PCDHGB3: variants seen among roughly 807,000 people sequenced by gnomAD.
PCDHGB3 encodes the protein protocadherin gamma subfamily B, 3, also known as protocadherin gamma-B3.
A neutral mutation model predicts 59.2 loss-of-function variants in PCDHGB3; 40 were observed. That is an observed-to-expected ratio of 0.68 (90% CI 0.52 to 0.88). The LOEUF is 0.88. Ranked by LOEUF, PCDHGB3 falls within the 40% of genes least tolerant of loss-of-function variation. The pLI is 0.00. For synonymous variants in PCDHGB3, 581 were observed against 503.6 expected, an observed-to-expected ratio of 1.15 and a Z score of -2.06; for missense variants, 1,309 against 1,187.9, an observed-to-expected ratio of 1.10 and a Z score of -1.50.
At chr5:141,419,665 C>T in intron 1 of PCDHGB3, 1 of 1,612,860 alleles carries the variant, frequency 6.2e-7, no homozygotes, top group East Asian at 2.2e-5. Flanking sequence ...GGCACAATGC[C>T]TGGCTGTCCT....
At chr5:141,500,411 G>A (rs376320602) in intron 2 of PCDHGB3, among the ~76,000 whole-genome samples, 4 of 151,592 alleles carry the variant, frequency 2.6e-5, no homozygotes, top group East Asian at 2.0e-4. Context: ...GGGTTTCACC[G>A]TGTTAGCCAG....
rs755254491 is a variant in PCDHGB3, at chr5:141,409,746, T to TCG, written c.2415+36941_2415+36942dup. On this transcript the variant is annotated intron_variant, in intron 1 of 3. Transcript: ENST00000576222. ...GTGAGCGCGCAGAGCGGGGTGGTGT[T>TCG]CGCGCAGCGCGCCTTTGATCACGAG... The TCG allele has an allele frequency of 3.1e-6, 5 of 1,613,024 alleles. No homozygotes were observed. The South Asian group carries it at 5.5e-5, about 18-fold the overall frequency.
At chr5:141,500,116 C>T (rs1458562489) in intron 2 of PCDHGB3, among the ~76,000 whole-genome samples, 4 of 149,046 alleles carry the variant, frequency 2.7e-5, no homozygotes, top group Admixed American at 2.0e-4. Context: ...GAATCCCTGC[C>T]TTTTCATATA....
At chr5:141,422,434 T>C in intron 1 of PCDHGB3, 5 of 1,609,566 alleles carry the variant, frequency 3.1e-6, no homozygotes, top group Non-Finnish European at 3.4e-6. Context: ...TGGAAATTAT[T>C]ACAAATTGAT....
At chr5:141,407,767 G>T (rs1458257073) in intron 1 of PCDHGB3, among the ~76,000 whole-genome samples, 1 of 152,140 alleles carries the variant, frequency 6.6e-6, no homozygotes, top group Non-Finnish European at 1.5e-5. Context: ...GTTTGAAATT[G>T]TGCATAATAG....
rs775416808 is a variant in PCDHGB3, at chr5:141,429,727, G to A, written c.2415+56918G>A. ...TAAATATTTACGCTCATGAAAGTAC[G>A]TAGCCAGTTATTTCTTAGGGAGAAT... On this transcript the variant is annotated intron_variant, in intron 1 of 3. Transcript: ENST00000576222. 7.2e-5 allele frequency among the ~76,000 whole-genome samples: 11 copies of A among 152,158 alleles called. 1 individual carries two copies. The highest frequency in any genetic ancestry group is 1.9e-4 in the East Asian group (1 of 5,188).
At chr5:141,427,450 C>A in intron 1 of PCDHGB3, 1 of 486,442 alleles carries the variant, frequency 2.1e-6, no homozygotes, top group Non-Finnish European at 4.0e-6. Context: ...GAAAGAGTTC[C>A]TTTTAGAATC....
Position 141,464,802 on chromosome 5 carries a change from A to G in PCDHGB3, c.2416-30005A>G, listed in dbSNP as rs545738780. ...TGCCCAGGCCAAATTGCAGTGATGC[A>G]GTCATAGCTCACTGTAGCCTCGCAC... On this transcript the variant is annotated intron_variant, in intron 1 of 3. Transcript: ENST00000576222. Among the ~76,000 whole-genome samples, 25 of 152,032 alleles carry G rather than the reference A, an allele frequency of 1.6e-4. No homozygotes were observed. In the East Asian group the frequency reaches 4.8e-3, roughly 29 times the overall value.
rs1272694679 is a variant in PCDHGB3, at chr5:141,486,884, C to T, written c.2416-7923C>T. 7 of 1,614,106 alleles carry T rather than the reference C, an allele frequency of 4.3e-6. No individual in the cohort carries two copies. The highest frequency in any genetic ancestry group is 1.1e-5 in the South Asian group (1 of 91,082). ...TCCAGCTGTGCTCCGTCCTCGGGCC[C>T]GGCCTGGTTCCTTATGTCCCCAAGC... On this transcript the variant is annotated intron_variant, in intron 1 of 3. Coordinates refer to ENST00000576222, the MANE Select transcript of PCDHGB3 (RefSeq NM_018924.5). The surrounding 1 kb of genome is among the most constrained non-coding windows in gnomAD (Gnocchi z 5.0).
intron 1 of PCDHGB3, chr5:141,393,918 T>C: frequency 6.2e-7 from 1 of 1,613,982 alleles, no homozygotes; most frequent in Non-Finnish European, 8.5e-7. Context: ...AATTGCCTTC[T>C]TGAGTGTGCA....
intron 1 of PCDHGB3, chr5:141,377,007 T>G (rs985572001): frequency 6.4e-6 from 1 of 155,470 alleles, no homozygotes; most frequent in Non-Finnish European, 1.4e-5. Context: ...TTTTTATTGG[T>G]TGACAGGAAA....
chr5:141,498,672 C>T (rs1034911993), intron 2 of PCDHGB3, among the ~76,000 whole-genome samples: 3 of 152,218 alleles, frequency 2.0e-5, no homozygotes, highest in South Asian at 4.1e-4. Context: ...TGGCTCACGC[C>T]TGTAATCCCA....
intron 1 of PCDHGB3, chr5:141,394,791 C>G (rs919264078): frequency 6.2e-7 from 1 of 1,613,736 alleles, no homozygotes. Flanking sequence ...CACTGTCACG[C>G]TCACCGTAGC....
chr5:141,410,068 C>T (rs2095353806), intron 1 of PCDHGB3: 1 of 1,612,832 alleles, frequency 6.2e-7, no homozygotes, highest in Non-Finnish European at 8.5e-7. Context: ...TGGGGCTGCG[C>T]ACTGGGGAGG....
At chr5:141,458,064 C>G (rs886724551) in intron 1 of PCDHGB3, among the ~76,000 whole-genome samples, 1 of 152,104 alleles carries the variant, frequency 6.6e-6, no homozygotes, top group Admixed American at 6.6e-5. Flanking sequence ...TGCACTGATG[C>G]GAACAACTAT....
At chr5:141,404,888 G>A (rs778498828) in intron 1 of PCDHGB3, 9 of 1,613,762 alleles carry the variant, frequency 5.6e-6, no homozygotes, top group East Asian at 2.2e-5. Context: ...TGTGGTGGCT[G>A]TACAGGACCA....
At chr5:141,420,382 C>CA (rs1414569792) in intron 1 of PCDHGB3, 5 of 1,300,530 alleles carry the variant, frequency 3.8e-6, no homozygotes, top group Non-Finnish European at 5.1e-6. Flanking sequence ...ATAGAGTTCG[C>CA]AAAATATAGG....
At chr5:141,389,113 G>A in intron 1 of PCDHGB3, 1 of 1,613,970 alleles carries the variant, frequency 6.2e-7, no homozygotes, top group South Asian at 1.1e-5. Flanking sequence ...GTTCTAGACC[G>A]CGAGCAGAAT....
At chr5:141,389,387 C>T in intron 1 of PCDHGB3, 1 of 1,613,724 alleles carries the variant, frequency 6.2e-7, no homozygotes, top group Non-Finnish European at 8.5e-7. Context: ...AGCTGTCATC[C>T]TACGTGTCCA....
Sources: allele counts gnomAD v4.1 joint callset (sites outside exome capture counted in the v4.1 genomes callset), GRCh38; gene constraint gnomAD v4.1.1; non-coding constraint Gnocchi (gnomAD v3.1); transcripts MANE v1.5; gene names NCBI Gene and HGNC (gene_info 2026-07-23, HGNC 2026-07-21).